PRKCB: variants seen among roughly 807,000 people sequenced by gnomAD.
PRKCB encodes the protein protein kinase C beta type.
A neutral mutation model predicts 81.5 loss-of-function variants in PRKCB; 13 were observed. The ratio of observed to expected loss-of-function variants is 0.16; its 90% confidence interval spans 0.10 to 0.25. PRKCB has a LOEUF of 0.25. Among genes scored for constraint, PRKCB ranks in the 10% least tolerant of loss-of-function variants. The pLI is 1.00. For missense variants in PRKCB, 509 were observed against 875.7 expected (o/e 0.58, Z 5.29); for synonymous variants, 335 against 321.4 (o/e 1.04, Z -0.45).
chr16:24,079,397 T>C (rs188000134), intron 5 of PRKCB, among the ~76,000 whole-genome samples: 181 of 152,338 alleles, frequency 1.2e-3, no homozygotes, highest in African/African-American at 4.2e-3. Context: ...TTGTGTCTAG[T>C]TCCAGTTTGT....
intron 13 of PRKCB, among the ~76,000 whole-genome samples, chr16:24,182,873 TTGTGTGTGTGTGTG>T (rs10524225): frequency 7.5e-6 from 1 of 133,520 alleles, no homozygotes; most frequent in Non-Finnish European, 1.6e-5. Flanking sequence ...ACATTGTTTC[TTGTGTGTGTGTGTG>T]TGTGTGTGTG....
chr16:23,873,589 C>T (rs1438604263), intron 2 of PRKCB, among the ~76,000 whole-genome samples: 1 of 152,202 alleles, frequency 6.6e-6, no homozygotes, highest in Non-Finnish European at 1.5e-5. Flanking sequence ...ATACTTCACA[C>T]TTACTTCCCA....
Position 24,154,721 on chromosome 16 carries a change from A to T in PRKCB, c.1103A>T (p.Tyr368Phe). Residue 368 changes from tyrosine (Y) to phenylalanine (F), a missense_variant, in exon 10 of 17, where the codon TAT (tyrosine) becomes TTT (phenylalanine). Transcript: ENST00000643927. ...LSERKGTDELYAVKILKKDVV... is the reference protein window; with the variant it reads ...LSERKGTDELFAVKILKKDVV... ...GAACGAAAAGGCACAGATGAGCTCT[A>T]TGCTGTGAAGATCCTGAAGAAGGAC... is the stretch of plus-strand genomic sequence containing the variant. The T allele has an allele frequency of 1.2e-6, 2 of 1,614,172 alleles. No homozygotes were observed. Among genetic ancestry groups the T allele is most frequent in the East Asian group, 2.2e-5 (1 of 44,884 alleles).
At chr16:23,897,856 C>T (rs190161546) in intron 2 of PRKCB, among the ~76,000 whole-genome samples, 46 of 152,096 alleles carry the variant, frequency 3.0e-4, no homozygotes, top group African/African-American at 1.1e-3. Flanking sequence ...CATCCACCCA[C>T]CCATCCATAT....
At chr16:23,933,746 CATCCATCT>C (rs1260358081) in intron 2 of PRKCB, among the ~76,000 whole-genome samples, 7 of 143,438 alleles carry the variant, frequency 4.9e-5, no homozygotes, top group East Asian at 2.2e-4. Context: ...TCCATTCGTC[CATCCATCT>C]ATCCATCTAT....
intron 5 of PRKCB, among the ~76,000 whole-genome samples, chr16:24,050,262 A>G (rs1377100783): frequency 6.6e-6 from 1 of 152,122 alleles, no homozygotes; most frequent in Non-Finnish European, 1.5e-5. Context: ...CAAACACATG[A>G]TAGGGCCGAG....
Position 24,018,831 on chromosome 16 carries a change from C to T in PRKCB, c.289-13305C>T, listed in dbSNP as rs147909878. Among the ~76,000 whole-genome samples the T allele has an allele frequency of 1.6e-3, 251 of 152,298 alleles. 3 individuals are homozygous for T. The highest frequency in any genetic ancestry group is 8.3e-3 in the South Asian group (40 of 4,816). ...AAGATCGTCACCAAATTATAGTGTC[C>T]CCTTTTCAAATGTGCCATGCGTGTG... On this transcript the variant is annotated intron_variant, in intron 3 of 16. Coordinates refer to ENST00000643927, the MANE Select transcript of PRKCB (RefSeq NM_002738.7).
intron 2 of PRKCB, among the ~76,000 whole-genome samples, chr16:23,944,076 G>A (rs1964173742): frequency 1.3e-5 from 2 of 152,236 alleles, no homozygotes; most frequent in South Asian, 4.1e-4. Flanking sequence ...GAGAAATTCA[G>A]AGTCAACACG....
At position 23,914,823 on chromosome 16, in the gene PRKCB, A is replaced by G. The variant is rs546423906; in HGVS notation, c.206-73685A>G. On this transcript the variant is annotated intron_variant, in intron 2 of 16. Coordinates refer to ENST00000643927, the MANE Select transcript of PRKCB (RefSeq NM_002738.7). The stretch of plus-strand genomic sequence containing the variant: ...TCTTCATGGGCCAGTCCAGCTCTGC[A>G]GTGGACTGTACTGGTGATGTCCACC... Among the ~76,000 whole-genome samples the G allele has an allele frequency of 1.1e-4, 16 of 152,320 alleles. No homozygotes were observed. In the South Asian group the frequency reaches 3.3e-3, roughly 32 times the overall value.
intron 9 of PRKCB, among the ~76,000 whole-genome samples, chr16:24,126,009 C>T (rs1354857204): frequency 6.6e-6 from 1 of 152,050 alleles, no homozygotes; most frequent in African/African-American, 2.4e-5. Flanking sequence ...TTGAACTAAG[C>T]GTGGGATTAG....
At chr16:24,071,818 A>T (rs1009411201) in intron 5 of PRKCB, among the ~76,000 whole-genome samples, 4 of 152,108 alleles carry the variant, frequency 2.6e-5, no homozygotes, top group Admixed American at 2.6e-4. Flanking sequence ...GCTGAAAGTT[A>T]TGGTGGGGGC....
intron 5 of PRKCB, among the ~76,000 whole-genome samples, chr16:24,039,564 A>G (rs887789633): frequency 6.6e-6 from 1 of 152,158 alleles, no homozygotes; most frequent in African/African-American, 2.4e-5. Flanking sequence ...AGTCCATGGT[A>G]TTCTGTTATG....
At chr16:23,857,202 G>A (rs902888543) in intron 2 of PRKCB, among the ~76,000 whole-genome samples, 7 of 152,184 alleles carry the variant, frequency 4.6e-5, no homozygotes, top group South Asian at 4.1e-4. Flanking sequence ...TGGTTTTGGC[G>A]GAACTGCCTG....
chr16:24,127,470 T>C (rs1278555921), intron 9 of PRKCB, among the ~76,000 whole-genome samples: 1 of 151,394 alleles, frequency 6.6e-6, no homozygotes, highest in African/African-American at 2.5e-5. Context: ...AATTTGCGTC[T>C]TTCCAGTCCC....
intron 3 of PRKCB, among the ~76,000 whole-genome samples, chr16:24,001,120 C>G (rs900953633): frequency 6.6e-6 from 1 of 152,068 alleles, no homozygotes; most frequent in Non-Finnish European, 1.5e-5. Flanking sequence ...CTCTCCTGCT[C>G]TATAAGGGAT....
At chr16:23,908,631 A>T (rs1963602115) in intron 2 of PRKCB, among the ~76,000 whole-genome samples, 1 of 151,956 alleles carries the variant, frequency 6.6e-6, no homozygotes, top group African/African-American at 2.4e-5. Context: ...TCCCGGGTTC[A>T]TGCCATTCTC....
chr16:24,035,546 C>T lies in PRKCB; in HGVS notation c.528C>T (p.Leu176=), dbSNP rs540341676. The T allele has an allele frequency of 9.5e-6, 14 of 1,476,534 alleles. No homozygotes were observed. Among genetic ancestry groups the T allele is most frequent in the African/African-American group, 5.7e-5 (4 of 69,860 alleles). 91.5% of individuals were successfully genotyped at this position (1,476,534 alleles called of 1,614,324 possible). A position where few individuals can be genotyped will look rare whatever the true frequency, so the allele number is the denominator to read the frequency against. ...TCGACAGGGACGTCCTCATTGTCCT[C>T]GGTAGGTGGCCCTGGGGCTCCACTG... The part of the protein sequence containing the change: ...AHIDRDVLIV[L]VRDAKNLVPM... The change falls in exon 5 of 17, where the codon CTC becomes CTT. Residue 176 remains leucine, a splice_region_variant and synonymous_variant. Transcript: ENST00000643927.
At chr16:23,960,634 C>A (rs1047020244) in intron 2 of PRKCB, among the ~76,000 whole-genome samples, 2 of 152,188 alleles carry the variant, frequency 1.3e-5, no homozygotes, top group Admixed American at 1.3e-4. Context: ...CTTCCCTCCC[C>A]ACTCTGACAT....
chr16:24,112,101 G>A (rs1194232943), intron 7 of PRKCB, among the ~76,000 whole-genome samples: 1 of 152,184 alleles, frequency 6.6e-6, no homozygotes, highest in African/African-American at 2.4e-5. Flanking sequence ...GCTGACTACA[G>A]CACATTTTGG....
Sources: gnomAD v4.1 joint callset for allele counts (sites outside exome capture counted in the v4.1 genomes callset) on GRCh38, gnomAD v4.1.1 for gene constraint, MANE v1.5 for transcripts, NCBI Gene and HGNC (gene_info 2026-07-23, HGNC 2026-07-21) for gene names.